STAG2: variants seen among roughly 807,000 people sequenced by gnomAD.
STAG2 encodes the protein cohesin subunit SA-2.
In STAG2, 14 loss-of-function variants were observed where a neutral mutation model predicts 108.1. That is an observed-to-expected ratio of 0.13 (90% CI 0.09 to 0.20). The LOEUF is 0.20. Ranked by LOEUF, STAG2 falls within the 10% of genes least tolerant of loss-of-function variation. The pLI is 1.00. For missense variants in STAG2, 440 were observed against 940.9 expected (o/e 0.47, Z 6.96); for synonymous variants, 307 against 302.7 (o/e 1.01, Z -0.15).
chrX:123,996,044 C>T (rs1484661548), intron 1 of STAG2, among the ~76,000 whole-genome samples: 2 of 112,259 alleles, frequency 1.8e-5, no homozygotes, highest in Non-Finnish European at 3.8e-5. Context: ...GTCTTGACAG[C>T]ACTGTTGGTG....
chrX:124,086,418 C>T (rs2059108652), intron 29 of STAG2, 129 bp from the exon 30 acceptor site: 1 of 477,884 alleles, frequency 2.1e-6, no homozygotes, highest in African/African-American at 2.4e-5. Flanking sequence ...GCAGAGACAA[C>T]ATTGTTCATT....
At chrX:124,077,258 T>C (rs1288822763) in intron 26 of STAG2, among the ~76,000 whole-genome samples, 1 of 111,310 alleles carries the variant, frequency 9.0e-6, no homozygotes, top group Non-Finnish European at 1.9e-5. Context: ...AGGTTTTTTT[T>C]TTTTTAAACT....
At chrX:123,980,486 G>A (rs1240406963) in intron 1 of STAG2, among the ~76,000 whole-genome samples, 1 of 111,825 alleles carries the variant, frequency 8.9e-6, no homozygotes. Flanking sequence ...CTTTTAAATT[G>A]TATACAGTAT....
intron 13 of STAG2, among the ~76,000 whole-genome samples, chrX:124,053,632 G>T (rs937861140): frequency 9.0e-6 from 1 of 111,104 alleles, no homozygotes; most frequent in Admixed American, 9.6e-5. Context: ...TACATGAATA[G>T]ACAAAAAAGA....
chrX:124,044,150 A>G (rs1461627844), intron 7 of STAG2, among the ~76,000 whole-genome samples: 1 of 111,006 alleles, frequency 9.0e-6, no homozygotes, highest in Non-Finnish European at 1.9e-5. Flanking sequence ...GAATAGTGGC[A>G]TTTTTTACCC....
chrX:123,995,226 A>G (rs758207956), intron 1 of STAG2, among the ~76,000 whole-genome samples: 66 of 111,747 alleles, frequency 5.9e-4, no homozygotes, highest in Non-Finnish European at 1.1e-3. Context: ...TGAGCAGGCT[A>G]CAAGATAAAG....
At chrX:124,069,055 G>A (rs904453071) in intron 24 of STAG2, among the ~76,000 whole-genome samples, 5 of 111,348 alleles carry the variant, frequency 4.5e-5, no homozygotes, top group Admixed American at 3.8e-4. Flanking sequence ...TGGCATTCTC[G>A]CTCATCCTGA....
At chrX:124,091,452 C>G (rs2148491839) in intron 32 of STAG2, among the ~76,000 whole-genome samples, 1 of 112,341 alleles carries the variant, frequency 8.9e-6, no homozygotes, top group Non-Finnish European at 1.9e-5. Context: ...TTACTTAAAA[C>G]CTTTCTGTGG....
chrX:124,052,245 G>A (rs747311669), intron 13 of STAG2, among the ~76,000 whole-genome samples: 13 of 110,983 alleles, frequency 1.2e-4, no homozygotes, highest in East Asian at 5.6e-4. Context: ...CTATATTTAC[G>A]TTGTTGTACA....
At chrX:124,089,566 A>G (rs2059200752) in intron 30 of STAG2, among the ~76,000 whole-genome samples, 1 of 110,930 alleles carries the variant, frequency 9.0e-6, no homozygotes, top group Non-Finnish European at 1.9e-5. Flanking sequence ...AGGCCACACA[A>G]TTAGCCTTTT....
At chrX:124,001,483 C>A (rs1024365239) in intron 1 of STAG2, among the ~76,000 whole-genome samples, 27 of 111,801 alleles carry the variant, frequency 2.4e-4, no homozygotes, top group African/African-American at 7.8e-4. Context: ...CCTTCACGTT[C>A]ACTCACCACT....
chrX:124,048,035 A>C (rs1286532888), intron 9 of STAG2, among the ~76,000 whole-genome samples: 1 of 112,014 alleles, frequency 8.9e-6, no homozygotes, highest in Non-Finnish European at 1.9e-5. Context: ...TGTAATTTAA[A>C]TTCTTTCTTC....
intron 32 of STAG2, 174 bp from the exon 33 acceptor site, chrX:124,093,844 G>A: frequency 4.2e-6 from 2 of 470,754 alleles, no homozygotes; most frequent in South Asian, 7.7e-5. Flanking sequence ...TTTTAGACAA[G>A]TAAACATTGG....
chrX:124,003,787 T>C (rs2056167030), intron 1 of STAG2: 2 of 111,926 alleles, frequency 1.8e-5, no homozygotes, highest in Non-Finnish European at 3.8e-5. Flanking sequence ...GTTACCAATT[T>C]TCAAATTAAG....
chrX:124,010,270 TAAAC>T (rs1381286545), intron 1 of STAG2, among the ~76,000 whole-genome samples: 1 of 111,510 alleles, frequency 9.0e-6, no homozygotes, highest in Non-Finnish European at 1.9e-5. Context: ...CTATACCTAT[TAAAC>T]AACAACTCCC....
At chrX:124,005,950 C>A (rs1404608286) in intron 1 of STAG2, among the ~76,000 whole-genome samples, 1 of 111,578 alleles carries the variant, frequency 9.0e-6, no homozygotes, top group African/African-American at 3.3e-5. Flanking sequence ...AGCATTACCT[C>A]CCATCTCTGC....
At chrX:124,057,723 C>T in intron 14 of STAG2, 143 bp from the exon 15 acceptor site, 1 of 319,999 alleles carries the variant, frequency 3.1e-6, no homozygotes, top group Non-Finnish European at 5.4e-6. Flanking sequence ...GCGTGGTGTG[C>T]CATGTTGGAT....
intron 1 of STAG2, among the ~76,000 whole-genome samples, chrX:123,980,864 T>G (rs984915531): frequency 2.0e-4 from 22 of 112,095 alleles, no homozygotes; most frequent in African/African-American, 6.2e-4. Context: ...AAAATATGAT[T>G]GGAATTTCTG....
At chrX:124,029,568 C>G (rs1270091875) in intron 4 of STAG2, among the ~76,000 whole-genome samples, 6 of 112,596 alleles carry the variant, frequency 5.3e-5, no homozygotes, top group African/African-American at 1.9e-4. Context: ...ACCTCGGCCT[C>G]CCAAAGTGCT....
Sources: allele counts gnomAD v4.1 joint callset (sites outside exome capture counted in the v4.1 genomes callset), GRCh38; gene constraint gnomAD v4.1.1; transcripts MANE v1.5; gene names NCBI Gene and HGNC (gene_info 2026-07-23, HGNC 2026-07-21).